Variants in DLGAP4 observed in about 807,000 individuals in gnomAD.
DLGAP4 encodes DLG associated protein 4, also known as disks large-associated protein 4.
In DLGAP4, 18 loss-of-function variants were observed where a neutral mutation model predicts 86.9. That is an observed-to-expected ratio of 0.21 (90% CI 0.14 to 0.31). The LOEUF is 0.31. DLGAP4 is among the 10% of genes least tolerant of loss of function. The pLI, the probability that DLGAP4 is intolerant of heterozygous loss-of-function variation, is 1.00. For synonymous variants in DLGAP4, 548 were observed against 574.3 expected (o/e 0.95, Z 0.65); for missense variants, 1,085 against 1,362.6 (o/e 0.80, Z 3.21).
rs149407575 is a variant in DLGAP4, at chr20:36,447,701, G to A, written c.1648+764G>A. ...CTCCCAAAGTGCTGGGATTATAGGC[G>A]TGAGCTACCATGCCCAGCCCTGGAT... On this transcript the variant is annotated intron_variant, in intron 7 of 12. Transcript: ENST00000339266. 4.5e-3 allele frequency among the ~76,000 whole-genome samples: 680 copies of A among 152,142 alleles called. 4 individuals carry two copies. The highest frequency in any genetic ancestry group is 6.3e-3 in the Non-Finnish European group (425 of 67,990).
In DLGAP4 at chr20:36,525,949, A is replaced by C. The variant is rs1239775545; in HGVS notation, c.2703A>C (p.Glu901Asp). 4 of 1,613,652 alleles carry C rather than the reference A, an allele frequency of 2.5e-6. No homozygotes were observed. Among genetic ancestry groups the C allele is most frequent in the Non-Finnish European group, 2.5e-6 (3 of 1,179,920 alleles). The change falls in exon 12 of 13, where the codon GAA becomes GAC. Residue 901 changes from glutamate to aspartate, a missense_variant. Glu to Asp is a conservative substitution (Grantham distance 45). Coordinates refer to ENST00000339266, the MANE Select transcript of DLGAP4 (RefSeq NM_001365621.2). Reference protein sequence around the residue: ...SIEDISMKFDELYHLKANSWQ... With the variant: ...SIEDISMKFDDLYHLKANSWQ... ...AGGATATCAGCATGAAGTTCGATGA[A>C]CTCTACCACCTCAAGGCCAACAGCT...
chr20:36,374,241 G>T (rs1196840042), intron 2 of DLGAP4, among the ~76,000 whole-genome samples: 1 of 152,060 alleles, frequency 6.6e-6, no homozygotes, highest in African/African-American at 2.4e-5. Flanking sequence ...GGAGGAGAGG[G>T]GAGCACATGG....
At chr20:36,348,211 G>A (rs1166972096) in intron 1 of DLGAP4, among the ~76,000 whole-genome samples, 1 of 152,236 alleles carries the variant, frequency 6.6e-6, no homozygotes, top group Non-Finnish European at 1.5e-5. Context: ...CAGGAGTTCA[G>A]TTACTGAAGA....
chr20:36,501,498 C>T (rs1303780459), intron 10 of DLGAP4, among the ~76,000 whole-genome samples: 1 of 152,192 alleles, frequency 6.6e-6, no homozygotes, highest in African/African-American at 2.4e-5. Context: ...TCCAAAAATT[C>T]CCTTGAGAAA....
chr20:36,352,558 A>G (rs1421413637), intron 1 of DLGAP4, among the ~76,000 whole-genome samples: 1 of 152,124 alleles, frequency 6.6e-6, no homozygotes, highest in Admixed American at 6.5e-5. Flanking sequence ...GGAGTCCAGG[A>G]AGACGGGAAA....
At chr20:36,375,358 A>C (rs1292463326) in intron 2 of DLGAP4, among the ~76,000 whole-genome samples, 2 of 152,238 alleles carry the variant, frequency 1.3e-5, no homozygotes, top group Non-Finnish European at 2.9e-5. Context: ...CTGATATAGC[A>C]AAGTTATGAC....
chr20:36,419,542 G>A (rs191142279), intron 2 of DLGAP4, among the ~76,000 whole-genome samples: 1 of 152,244 alleles, frequency 6.6e-6, no homozygotes, highest in East Asian at 1.9e-4. Flanking sequence ...AATGGCTCAG[G>A]GTCTTTCATG....
chr20:36,504,163 A>G (rs1418927478), intron 10 of DLGAP4, among the ~76,000 whole-genome samples: 1 of 152,202 alleles, frequency 6.6e-6, no homozygotes, highest in Non-Finnish European at 1.5e-5. Context: ...TTATATTCAC[A>G]ATATTGCACT....
chr20:36,308,385 A>C lies in DLGAP4; in HGVS notation c.-304+1873A>C, dbSNP rs2065024323. Among the ~76,000 whole-genome samples, 1 of 152,220 alleles carries C rather than the reference A, an allele frequency of 6.6e-6. No individual in the cohort carries two copies. The highest frequency in any genetic ancestry group is 2.4e-5 in the African/African-American group (1 of 41,464). On this transcript the variant is annotated intron_variant, in intron 1 of 12. Transcript: ENST00000339266. The surrounding 1 kb of genome is among the most constrained non-coding windows in gnomAD (Gnocchi z 4.5). Reference sequence around the variant, plus strand: ...GTGTCAGGCATTGGAGACAGTGTCCATGCTGAAGAGAAACTGTGAGCTGGA... The same window carrying C: ...GTGTCAGGCATTGGAGACAGTGTCCCTGCTGAAGAGAAACTGTGAGCTGGA...
chr20:36,496,869 C>G lies in DLGAP4; in HGVS notation c.1813C>G (p.Leu605Val). 1 of 1,614,220 alleles carries G rather than the reference C, an allele frequency of 6.2e-7. No homozygotes were observed. The highest frequency in any genetic ancestry group is 8.5e-7 in the Non-Finnish European group (1 of 1,180,032). Residue 605 changes from leucine (L) to valine (V), a missense_variant, in exon 8 of 13, where the codon CTG becomes GTG. Leu to Val is a conservative substitution (Grantham distance 32). Coordinates refer to ENST00000339266, the MANE Select transcript of DLGAP4 (RefSeq NM_001365621.2). ...GAGCGAGGTGACTAGCCAGTCGGGC[C>G]TGAGCAACTCGTCGGACAGCCTGGA... Reference protein sequence around the residue: ...HKSEVTSQSGLSNSSDSLDSS... With the variant: ...HKSEVTSQSGVSNSSDSLDSS...
At chr20:36,486,859 G>A (rs1241683554) in intron 7 of DLGAP4, among the ~76,000 whole-genome samples, 13 of 151,924 alleles carry the variant, frequency 8.6e-5, no homozygotes, top group African/African-American at 2.7e-4. Context: ...TGATCCGCCC[G>A]CGTCAGCCTC....
At chr20:36,400,707 G>C (rs2147482320) in intron 2 of DLGAP4, among the ~76,000 whole-genome samples, 1 of 152,122 alleles carries the variant, frequency 6.6e-6, no homozygotes, top group South Asian at 2.1e-4. Flanking sequence ...TGGAAAGTGG[G>C]AGGCAGAACT....
chr20:36,387,456 G>T (rs1010752039), intron 2 of DLGAP4, among the ~76,000 whole-genome samples: 19 of 152,084 alleles, frequency 1.2e-4, no homozygotes, highest in Admixed American at 7.2e-4. Flanking sequence ...TGTGTTGCTT[G>T]TCTGTTAACT....
At chr20:36,476,344 T>TG (rs1488607304) in intron 7 of DLGAP4, among the ~76,000 whole-genome samples, 1 of 140,350 alleles carries the variant, frequency 7.1e-6, no homozygotes, top group Admixed American at 7.0e-5. Flanking sequence ...TTTTTTTTTT[T>TG]GGAGACACAG....
chr20:36,495,935 C>T (rs568772744), intron 7 of DLGAP4, among the ~76,000 whole-genome samples: 9 of 152,220 alleles, frequency 5.9e-5, no homozygotes, highest in Non-Finnish European at 1.2e-4. Flanking sequence ...TGCAATGGTG[C>T]AACCTCGGCT....
In DLGAP4 at chr20:36,308,051, G is replaced by A. The variant is rs377109459; in HGVS notation, c.-304+1539G>A. Reference sequence around the variant, plus strand: ...GGAGCCACCACCAGGCCCTAGAGCCGGCTGTCGGGGCCAGTCAGCAGCAGA... The same window carrying A: ...GGAGCCACCACCAGGCCCTAGAGCCAGCTGTCGGGGCCAGTCAGCAGCAGA... On this transcript the variant is annotated intron_variant, in intron 1 of 12. Transcript: ENST00000339266. The surrounding 1 kb of genome is among the most constrained non-coding windows in gnomAD (Gnocchi z 4.5). Among the ~76,000 whole-genome samples the A allele has an allele frequency of 1.3e-5, 2 of 152,230 alleles. No individual in the cohort carries two copies. The highest frequency in any genetic ancestry group is 2.4e-5 in the African/African-American group (1 of 41,458).
At chr20:36,330,097 A>G (rs1370985750) in intron 1 of DLGAP4, among the ~76,000 whole-genome samples, 20 of 151,656 alleles carry the variant, frequency 1.3e-4, no homozygotes, top group African/African-American at 4.1e-4. Context: ...GAATAATTTT[A>G]TTTTCCTAAT....
chr20:36,407,499 G>A (rs1346409625), intron 2 of DLGAP4, among the ~76,000 whole-genome samples: 2 of 152,150 alleles, frequency 1.3e-5, no homozygotes, highest in Non-Finnish European at 2.9e-5. Flanking sequence ...CAGAGTGTGG[G>A]AGAGAAGACT....
chr20:36,439,772 T>C lies in DLGAP4; in HGVS notation c.1260T>C (p.Asp420=). Residue 420 remains aspartate (D), a synonymous_variant, in exon 5 of 13, where the codon GAT becomes GAC. Coordinates refer to ENST00000339266, the MANE Select transcript of DLGAP4 (RefSeq NM_001365621.2). ...CCACCAGGAGTCTGGACCGCCTGGATTCAGTGGACATGCTGCTGCCCTCCA... is the reference window on the plus strand; with the variant it reads ...CCACCAGGAGTCTGGACCGCCTGGACTCAGTGGACATGCTGCTGCCCTCCA... ...SNPRRSLDRL[D]SVDMLLPSKC... is the part of the protein sequence containing the mutation. The C allele has an allele frequency of 6.2e-7, 1 of 1,613,680 alleles. No individual in the cohort carries two copies. Among genetic ancestry groups the C allele is most frequent in the South Asian group, 1.1e-5 (1 of 91,056 alleles).
Sources: allele counts gnomAD v4.1 joint callset (sites outside exome capture counted in the v4.1 genomes callset), GRCh38; gene constraint gnomAD v4.1.1; non-coding constraint Gnocchi (gnomAD v3.1); transcripts MANE v1.5; gene names NCBI Gene and HGNC (gene_info 2026-07-23, HGNC 2026-07-21).